The following TBCA variants were observed in gnomAD, a reference collection of about 807,000 sequenced individuals.
TBCA encodes the protein tubulin-specific chaperone A.
In TBCA, 6 loss-of-function variants were observed where a neutral mutation model predicts 15.8. That is an observed-to-expected ratio of 0.38 (90% CI 0.21 to 0.75). The LOEUF is 0.75. Ranked by LOEUF, TBCA falls within the 30% of genes least tolerant of loss-of-function variation. The probability of loss-of-function intolerance (pLI) is 0.46; values close to 1 mark genes in which losing one functional copy is unlikely to be tolerated. For missense variants in TBCA, 90 were observed against 131.2 expected, an observed-to-expected ratio of 0.69 and a Z score of 1.53; for synonymous variants, 32 against 42.3, an observed-to-expected ratio of 0.76 and a Z score of 0.94.
intron 1 of TBCA, among the ~76,000 whole-genome samples, chr5:77,736,944 T>G: frequency 6.6e-6 from 1 of 152,204 alleles, no homozygotes; most frequent in East Asian, 1.9e-4. Flanking sequence ...ATTCAGTAAC[T>G]GAAACAATAG....
intron 1 of TBCA, among the ~76,000 whole-genome samples, chr5:77,718,041 A>G (rs914773353): frequency 2.0e-5 from 3 of 152,072 alleles, no homozygotes; most frequent in Non-Finnish European, 4.4e-5. Flanking sequence ...GAGGCAGGAG[A>G]AGCCCTCAAA....
chr5:77,763,772 T>C (rs1747708033), intron 1 of TBCA, among the ~76,000 whole-genome samples: 1 of 152,186 alleles, frequency 6.6e-6, no homozygotes, highest in Non-Finnish European at 1.5e-5. Flanking sequence ...AAATAAATTC[T>C]ATCATTTATA....
At chr5:77,733,894 G>A (rs1746834497) in intron 1 of TBCA, among the ~76,000 whole-genome samples, 1 of 152,208 alleles carries the variant, frequency 6.6e-6, no homozygotes, top group Admixed American at 6.5e-5. Context: ...AAAAGAGGCT[G>A]ACTCTCTTGC....
intron 2 of TBCA, among the ~76,000 whole-genome samples, chr5:77,702,447 A>T (rs1222077421): frequency 1.3e-5 from 2 of 152,242 alleles, no homozygotes; most frequent in African/African-American, 4.8e-5. Flanking sequence ...TGTAGATTCC[A>T]TTCTACGTTA....
chr5:77,712,763 T>C (rs1372206960), intron 1 of TBCA, among the ~76,000 whole-genome samples: 2 of 152,184 alleles, frequency 1.3e-5, no homozygotes, highest in African/African-American at 4.8e-5. Context: ...CTAATGTGAA[T>C]AGTTACGTTT....
At chr5:77,732,742 T>C (rs1381179695) in intron 1 of TBCA, among the ~76,000 whole-genome samples, 3 of 152,142 alleles carry the variant, frequency 2.0e-5, no homozygotes, top group Non-Finnish European at 4.4e-5. Context: ...TGACCTTTTA[T>C]GTTACTATTG....
intron 1 of TBCA, among the ~76,000 whole-genome samples, chr5:77,722,386 A>G (rs1580108855): frequency 6.6e-6 from 1 of 152,056 alleles, no homozygotes; most frequent in Non-Finnish European, 1.5e-5. Flanking sequence ...TCTTTTATAG[A>G]GGAAAAAGGA....
chr5:77,758,506 C>T (rs457104), intron 1 of TBCA, among the ~76,000 whole-genome samples: 67,063 of 152,060 alleles, frequency 0.44, 14,964 homozygotes, highest in East Asian at 0.53. Flanking sequence ...ATTGCTCACT[C>T]GGAGAGCTCG....
chr5:77,692,138 A>C (rs1245844168), intron 3 of TBCA: 53 of 984,142 alleles, frequency 5.4e-5, no homozygotes, highest in Admixed American at 6.1e-5. Flanking sequence ...AATATTATCT[A>C]AAGTACACAG....
intron 1 of TBCA, among the ~76,000 whole-genome samples, chr5:77,751,415 G>A (rs1430329824): frequency 6.6e-6 from 1 of 151,836 alleles, no homozygotes; most frequent in African/African-American, 2.4e-5. Flanking sequence ...CTGACCTCAG[G>A]CGATCCACCT....
chr5:77,758,703 T>C (rs532669901), intron 1 of TBCA, among the ~76,000 whole-genome samples: 8 of 151,144 alleles, frequency 5.3e-5, no homozygotes, highest in Non-Finnish European at 8.8e-5. Context: ...TCCTTACACT[T>C]GGGAGGTGAG....
At chr5:77,740,816 C>T (rs1747013967) in intron 1 of TBCA, among the ~76,000 whole-genome samples, 2 of 141,566 alleles carry the variant, frequency 1.4e-5, no homozygotes, top group African/African-American at 4.9e-5. Context: ...CCTCAGAAAA[C>T]ATTTAAGTAA....
chr5:77,732,437 G>C (rs900678382), intron 1 of TBCA, among the ~76,000 whole-genome samples: 6 of 151,546 alleles, frequency 4.0e-5, no homozygotes, highest in African/African-American at 1.2e-4. Flanking sequence ...TGTAGGCCCA[G>C]CTACTCGGGA....
At chr5:77,750,218 T>C (rs1747291780) in intron 1 of TBCA, among the ~76,000 whole-genome samples, 1 of 151,848 alleles carries the variant, frequency 6.6e-6, no homozygotes, top group Admixed American at 6.6e-5. Context: ...GTGCCATGTA[T>C]GATATACATA....
intron 2 of TBCA, among the ~76,000 whole-genome samples, chr5:77,701,120 CA>C (rs941806456): frequency 1.3e-5 from 2 of 152,270 alleles, no homozygotes; most frequent in Admixed American, 1.3e-4. Flanking sequence ...GCAGAGTAAA[CA>C]GACAACCATA....
rs534885118 is a variant in TBCA, at chr5:77,730,932, C to T, written c.54-22585G>A. On this transcript the variant is annotated intron_variant, in intron 1 of 3. Coordinates refer to ENST00000380377, the MANE Select transcript of TBCA (RefSeq NM_004607.3). ...TAACAATATAGTGTTTCATTGATTG[C>T]ATGTGACATACTTTAAGCAATATCC... Among the ~76,000 whole-genome samples, 19 of 152,244 alleles carry T rather than the reference C, an allele frequency of 1.2e-4. No homozygotes were observed. In the East Asian group the frequency reaches 3.7e-3, roughly 29 times the overall value.
At chr5:77,701,354 A>G (rs1580092461) in intron 2 of TBCA, among the ~76,000 whole-genome samples, 1 of 152,138 alleles carries the variant, frequency 6.6e-6, no homozygotes, top group African/African-American at 2.4e-5. Context: ...CAAAACCACA[A>G]TGCAATAACC....
chr5:77,744,530 CCTT>C (rs1182627116), intron 1 of TBCA, among the ~76,000 whole-genome samples: 1,880 of 110,956 alleles, frequency 0.017, 35 homozygotes, highest in African/African-American at 0.07. Flanking sequence ...GTCTTATTCA[CCTT>C]TTTTTTTTTT....
intron 1 of TBCA, among the ~76,000 whole-genome samples, chr5:77,767,803 C>G (rs560914342): frequency 2.6e-5 from 4 of 152,314 alleles, no homozygotes; most frequent in African/African-American, 9.6e-5. Context: ...CTCATCCACA[C>G]TGTTGATAAT....
Sources: gnomAD v4.1 joint callset for allele counts (sites outside exome capture counted in the v4.1 genomes callset) on GRCh38, gnomAD v4.1.1 for gene constraint, MANE v1.5 for transcripts, NCBI Gene and HGNC (gene_info 2026-07-23, HGNC 2026-07-21) for gene names.